The following RIC8B variants were observed in gnomAD, a reference collection of about 807,000 sequenced individuals.
The protein encoded by RIC8B is chaperone Ric-8B.
In RIC8B, 16 loss-of-function variants were observed where a neutral mutation model predicts 57.5. That is an observed-to-expected ratio of 0.28 (90% CI 0.19 to 0.42). The LOEUF is 0.42. Among genes scored for constraint, RIC8B ranks in the 10% least tolerant of loss-of-function variants. RIC8B has a pLI of 1.00. For missense variants in RIC8B, 481 were observed against 677.0 expected (o/e 0.71, Z 3.21); for synonymous variants, 216 against 250.8 (o/e 0.86, Z 1.31).
rs758876525 is a variant in RIC8B, at chr12:106,853,453, C to CTTTTTTTTTTTTTTTTTTTTTTTTTTTTT, written c.1306+1864_1306+1892dup. Among the ~76,000 whole-genome samples the CTTTTTTTTTTTTTTTTTTTTTTTTTTTTT allele has an allele frequency of 1.6e-4, 6 of 38,022 alleles. 2 individuals are homozygous for CTTTTTTTTTTTTTTTTTTTTTTTTTTTTT. The highest frequency in any genetic ancestry group is 8.5e-4 in the Admixed American group (2 of 2,342). The allele number at this position is 38,022 out of a possible 152,430, so 24.9% of individuals were successfully genotyped here. A position where few individuals can be genotyped will look rare whatever the true frequency, so the allele number is the denominator to read the frequency against. ...GACCTCAACAATTCTGCTTTATAGT[C>CTTTTTTTTTTTTTTTTTTTTTTTTTTTTT]TTTTTTTTTTTTTTTTTTTTTTTTT... On this transcript the variant is annotated intron_variant, in intron 7 of 9. Transcript: ENST00000392837.
intron 6 of RIC8B, among the ~76,000 whole-genome samples, chr12:106,849,674 G>A (rs887462057): frequency 6.6e-6 from 1 of 152,156 alleles, no homozygotes; most frequent in East Asian, 1.9e-4. Context: ...GATGACTTCA[G>A]GACACTTTAA....
chr12:106,778,806 G>T (rs1203624825), intron 1 of RIC8B, among the ~76,000 whole-genome samples: 3 of 152,162 alleles, frequency 2.0e-5, no homozygotes, highest in Non-Finnish European at 4.4e-5. Flanking sequence ...ATCCAAAGGG[G>T]ATTGCTTCCA....
At chr12:106,783,897 C>G (rs571268777) in intron 1 of RIC8B, 100 bp from the exon 2 acceptor site, 2 of 1,071,022 alleles carry the variant, frequency 1.9e-6, no homozygotes, top group African/African-American at 3.2e-5. Context: ...GGGAAGGCAA[C>G]ATTTTTTACA....
At position 106,853,720 on chromosome 12, in the gene RIC8B, G is replaced by T. The variant is rs146014339; in HGVS notation, c.1306+2126G>T. Among the ~76,000 whole-genome samples, 540 of 151,950 alleles carry T rather than the reference G, an allele frequency of 3.6e-3. 4 individuals are homozygous for T. Among genetic ancestry groups the T allele is most frequent in the African/African-American group, 0.013 (521 of 41,424 alleles). On this transcript the variant is annotated intron_variant, in intron 7 of 9. Coordinates refer to ENST00000392837, the MANE Select transcript of RIC8B (RefSeq NM_001330145.2). ...CTGTCCTTGTGATCTGCCCACCTCG[G>T]CCTCCCAAAGTGCTGGTATTACAGG...
chr12:106,839,234 C>T (rs552427941), intron 4 of RIC8B, among the ~76,000 whole-genome samples: 1 of 152,296 alleles, frequency 6.6e-6, no homozygotes, highest in African/African-American at 2.4e-5. Context: ...ATGGTCCTTA[C>T]AGCACTGTTC....
chr12:106,878,866 G>T, intron 9 of RIC8B: 14 of 371,264 alleles, frequency 3.8e-5, no homozygotes, highest in East Asian at 1.7e-4. Flanking sequence ...AACAAAATAT[G>T]TTACATAAAA....
chr12:106,886,229 G>A lies in RIC8B; in HGVS notation c.*214G>A. 2.2e-6 allele frequency: 1 copy of A among 460,876 alleles called. No individual in the cohort carries two copies. The highest frequency in any genetic ancestry group is 3.8e-5 in the Admixed American group (1 of 26,170). 28.5% of individuals were successfully genotyped at this position (460,876 alleles called of 1,614,324 possible). A position where few individuals can be genotyped will look rare whatever the true frequency, so the allele number is the denominator to read the frequency against. On this transcript the variant is annotated 3_prime_UTR_variant, in exon 10 of 10. Coordinates refer to ENST00000392837, the MANE Select transcript of RIC8B (RefSeq NM_001330145.2). ...AGAGCTGCAGTTAGACGGGGTTACG[G>A]GGGCTAAAAGCAGAAAAAAAATTCC...
At chr12:106,802,855 G>C (rs2044799887) in intron 2 of RIC8B, among the ~76,000 whole-genome samples, 1 of 151,932 alleles carries the variant, frequency 6.6e-6, no homozygotes, top group South Asian at 2.1e-4. Flanking sequence ...TCCTGAGTAT[G>C]TTAATAGGTG....
At chr12:106,838,135 A>G (rs1269354970) in intron 4 of RIC8B, among the ~76,000 whole-genome samples, 1 of 152,230 alleles carries the variant, frequency 6.6e-6, no homozygotes, top group Non-Finnish European at 1.5e-5. Flanking sequence ...CATAAAACAG[A>G]CATATTGACC....
chr12:106,812,969 C>T (rs2045403012), intron 2 of RIC8B, among the ~76,000 whole-genome samples: 1 of 151,952 alleles, frequency 6.6e-6, no homozygotes, highest in East Asian at 1.9e-4. Flanking sequence ...CCCTCTGTAT[C>T]GTGCAGTCTG....
intron 8 of RIC8B, among the ~76,000 whole-genome samples, chr12:106,865,103 CTGCTCTCT>C (rs776633069): frequency 1.8e-4 from 28 of 152,296 alleles, no homozygotes; most frequent in African/African-American, 6.0e-4. Context: ...TCCCTGCTTT[CTGCTCTCT>C]TGCGTATATA....
rs1379901662 is a variant in RIC8B at position 106,815,322 on chromosome 12, ATT to A, written c.741+22_741+23del. 1.3e-6 allele frequency: 2 copies of A among 1,570,860 alleles called. No individual in the cohort carries two copies. Among genetic ancestry groups the A allele is most frequent in the Non-Finnish European group, 1.7e-6 (2 of 1,160,830 alleles). On this transcript the variant is annotated intron_variant, in intron 3 of 9. Coordinates refer to ENST00000392837, the MANE Select transcript of RIC8B (RefSeq NM_001330145.2). ...ATAAAGAGGTAAGGTAGAGAAGGCT[ATT>A]TTTGTCTACCTGGAATTTAATTGGT...
intron 8 of RIC8B, among the ~76,000 whole-genome samples, chr12:106,870,576 A>T (rs1950359492): frequency 7.0e-6 from 1 of 142,818 alleles, no homozygotes; most frequent in South Asian, 2.2e-4. Flanking sequence ...CCATGCCTCT[A>T]AAAAAAAAAA....
chr12:106,873,285 C>G, intron 9 of RIC8B: 1 of 590,380 alleles, frequency 1.7e-6, no homozygotes, highest in South Asian at 7.5e-5. Context: ...GAGAATAGTT[C>G]AAATCATACA....
rs934626624 is a variant in RIC8B at position 106,779,569 on chromosome 12, C to T, written c.85-4428C>T. 7.3e-5 allele frequency among the ~76,000 whole-genome samples: 11 copies of T among 149,854 alleles called. No homozygotes were observed. In the East Asian group the frequency reaches 7.8e-4, roughly 11 times the overall value. On this transcript the variant is annotated intron_variant, in intron 1 of 9. Transcript: ENST00000392837. Reference sequence around the variant, plus strand: ...TTTAATCTCTAGATTACTTATAATACGTAATACAATGTGAATGGTATACAA... The same window carrying T: ...TTTAATCTCTAGATTACTTATAATATGTAATACAATGTGAATGGTATACAA...
At position 106,778,746 on chromosome 12, in the gene RIC8B, A is replaced by C. The variant is rs572421514; in HGVS notation, c.84+3917A>C. 2.8e-4 allele frequency among the ~76,000 whole-genome samples: 43 copies of C among 152,232 alleles called. No individual in the cohort carries two copies. The South Asian group carries it at 8.5e-3, about 30-fold the overall frequency. On this transcript the variant is annotated intron_variant, in intron 1 of 9. Coordinates refer to ENST00000392837, the MANE Select transcript of RIC8B (RefSeq NM_001330145.2). ...CCCTGTCTCTTCTGTGTTTTTGAGC[A>C]CAGAAAAAGTTTCTTTTTCAGGAGT...
At chr12:106,882,501 C>T (rs1034156908) in intron 9 of RIC8B, among the ~76,000 whole-genome samples, 3 of 151,858 alleles carry the variant, frequency 2.0e-5, no homozygotes, top group African/African-American at 7.3e-5. Flanking sequence ...TTATTACTAC[C>T]ACTACTTACA....
rs956096824 is a variant in RIC8B, at chr12:106,887,349, G to C, written c.*1334G>C. 5.2e-5 allele frequency: 8 copies of C among 152,472 alleles called. No homozygotes were observed. Among genetic ancestry groups the C allele is most frequent in the African/African-American group, 1.9e-4 (8 of 41,402 alleles). 9.4% of individuals were successfully genotyped at this position (152,472 alleles called of 1,614,324 possible). A position where few individuals can be genotyped will look rare whatever the true frequency, so the allele number is the denominator to read the frequency against. ...TAAACAATACTATTTCACAGTTTAT[G>C]CTTTTTTAAAGTGCTTTTACATCCA... is the stretch of plus-strand genomic sequence containing the variant. On this transcript the variant is annotated 3_prime_UTR_variant, in exon 10 of 10. Coordinates refer to ENST00000392837, the MANE Select transcript of RIC8B (RefSeq NM_001330145.2).
chr12:106,877,973 G>C (rs1039751347), intron 9 of RIC8B, among the ~76,000 whole-genome samples: 1 of 152,148 alleles, frequency 6.6e-6, no homozygotes, highest in African/African-American at 2.4e-5. Flanking sequence ...AAGACATGGT[G>C]ATGTGGGGAC....
Sources: allele counts gnomAD v4.1 joint callset (sites outside exome capture counted in the v4.1 genomes callset), GRCh38; gene constraint gnomAD v4.1.1; transcripts MANE v1.5; gene names NCBI Gene and HGNC (gene_info 2026-07-23, HGNC 2026-07-21).